FNDC3B: variants seen among roughly 807,000 people sequenced by gnomAD.
FNDC3B encodes fibronectin type III domain-containing protein 3B.
FNDC3B carries 12 observed loss-of-function variants against 151.5 expected under a neutral mutation model. The ratio of observed to expected loss-of-function variants is 0.08; its 90% CI spans 0.05 to 0.13. FNDC3B has a LOEUF of 0.13. FNDC3B is among the 10% of genes least tolerant of loss of function. The pLI is 1.00. For synonymous variants in FNDC3B, 528 were observed against 549.0 expected (o/e 0.96, Z 0.54); for missense variants, 1,214 against 1,505.3 (o/e 0.81, Z 3.20).
chr3:172,250,457 A>G (rs1040279573), intron 5 of FNDC3B, among the ~76,000 whole-genome samples: 1 of 152,208 alleles, frequency 6.6e-6, no homozygotes. Context: ...GCTCTTTTGT[A>G]TGCCACAGAA....
intron 5 of FNDC3B, 66 bp downstream of exon 5, chr3:172,247,842 C>A: frequency 6.4e-7 from 1 of 1,550,718 alleles, no homozygotes; most frequent in Non-Finnish European, 8.9e-7. Flanking sequence ...TAGTTCAAGG[C>A]GGTCCTTTGT....
At chr3:172,330,256 G>A (rs372388372) in intron 12 of FNDC3B, 34 of 272,544 alleles carry the variant, frequency 1.2e-4, no homozygotes, top group African/African-American at 5.3e-4. Flanking sequence ...ATGCCCACAC[G>A]TCACTTCATT....
chr3:172,129,927 T>C (rs1370214029), intron 2 of FNDC3B, among the ~76,000 whole-genome samples: 1 of 152,130 alleles, frequency 6.6e-6, no homozygotes, highest in Admixed American at 6.5e-5. Context: ...AGCGATGTTC[T>C]GTATCGCATT....
chr3:172,113,238 A>G (rs1023446309), intron 2 of FNDC3B, among the ~76,000 whole-genome samples: 4 of 152,272 alleles, frequency 2.6e-5, no homozygotes, highest in Non-Finnish European at 5.9e-5. Flanking sequence ...GGGCTTGCAC[A>G]GTTTTACAAC....
chr3:172,335,099 C>T lies in FNDC3B; in HGVS notation c.1780+17C>T, dbSNP rs1408517800. 2 of 1,514,238 alleles carry T rather than the reference C, an allele frequency of 1.3e-6. No homozygotes were observed. The highest frequency in any genetic ancestry group is 1.3e-5 in the South Asian group (1 of 76,754). 93.8% of individuals were successfully genotyped at this position (1,514,238 alleles called of 1,614,324 possible). ...TCAAATGGGGTATGTTTTGCTGCTG[C>T]TGCTACTGTTTTTTTTTTTTTTTTC... On this transcript the variant is annotated intron_variant, in intron 15 of 25. Coordinates refer to ENST00000415807, the MANE Select transcript of FNDC3B (RefSeq NM_022763.4).
chr3:172,213,690 AC>A (rs764382191), intron 3 of FNDC3B, among the ~76,000 whole-genome samples: 14 of 152,214 alleles, frequency 9.2e-5, no homozygotes, highest in Non-Finnish European at 1.5e-4. Flanking sequence ...CCCCATTCTT[AC>A]CTATCCTAAT....
intron 1 of FNDC3B, among the ~76,000 whole-genome samples, chr3:172,075,987 G>A (rs1048679147): frequency 1.3e-5 from 2 of 152,040 alleles, no homozygotes; most frequent in Non-Finnish European, 2.9e-5. Flanking sequence ...TGATAACCCT[G>A]TAAACTCAAC....
intron 6 of FNDC3B, among the ~76,000 whole-genome samples, chr3:172,267,001 A>G (rs1247573565): frequency 2.0e-5 from 3 of 152,266 alleles, no homozygotes; most frequent in Admixed American, 2.0e-4. Flanking sequence ...ACTACCTACT[A>G]TCCGCTATAT....
intron 11 of FNDC3B, among the ~76,000 whole-genome samples, chr3:172,316,051 A>G (rs1731773502): frequency 8.2e-6 from 1 of 121,236 alleles, no homozygotes; most frequent in Admixed American, 1.2e-4. Context: ...CTTGTTGCCC[A>G]GGCTGGAGTG....
intron 2 of FNDC3B, among the ~76,000 whole-genome samples, chr3:172,127,769 G>A (rs560779477): frequency 6.6e-6 from 1 of 152,162 alleles, no homozygotes; most frequent in East Asian, 1.9e-4. Flanking sequence ...GAGTTCAAGC[G>A]ATTCTCATGC....
At chr3:172,086,574 T>G (rs959472388) in intron 1 of FNDC3B, among the ~76,000 whole-genome samples, 8 of 152,230 alleles carry the variant, frequency 5.3e-5, no homozygotes, top group Non-Finnish European at 1.5e-5. Context: ...AAAATTGGCC[T>G]AAGTTCTTAT....
chr3:172,140,478 C>T (rs538735244), intron 3 of FNDC3B, among the ~76,000 whole-genome samples: 1 of 152,302 alleles, frequency 6.6e-6, no homozygotes, highest in South Asian at 2.1e-4. Context: ...AGCAATTCCT[C>T]TCAACATGGA....
At chr3:172,386,838 T>C (rs1023611359) in intron 25 of FNDC3B, among the ~76,000 whole-genome samples, 18 of 151,814 alleles carry the variant, frequency 1.2e-4, no homozygotes, top group Non-Finnish European at 1.5e-5. Context: ...TCTGTATCAA[T>C]ATATTTTTAT....
At chr3:172,043,622 G>A (rs73037188) in intron 1 of FNDC3B, among the ~76,000 whole-genome samples, 5,702 of 152,190 alleles carry the variant, frequency 0.037, 240 homozygotes, top group African/African-American at 0.097. Context: ...TACGATATCA[G>A]AAGTTACATT....
chr3:172,156,973 T>G (rs1231594974), intron 3 of FNDC3B, among the ~76,000 whole-genome samples: 1 of 152,176 alleles, frequency 6.6e-6, no homozygotes, highest in East Asian at 1.9e-4. Context: ...AACCTAATAT[T>G]GTCTACAAAA....
In FNDC3B at chr3:172,352,508, A is replaced by T. The variant is rs535393474; in HGVS notation, c.2515-295A>T. 3.3e-5 allele frequency among the ~76,000 whole-genome samples: 5 copies of T among 152,316 alleles called. No individual in the cohort carries two copies. In the South Asian group the frequency reaches 1.0e-3, roughly 32 times the overall value. ...GATCTACCACAGGGGGTTATTATGA[A>T]GATCGTGTAAGATGATGTATAAACT... is the stretch of plus-strand genomic sequence containing the variant. On this transcript the variant is annotated intron_variant, in intron 21 of 25. Coordinates refer to ENST00000415807, the MANE Select transcript of FNDC3B (RefSeq NM_022763.4). The surrounding 1 kb of genome is among the most constrained non-coding windows in gnomAD (Gnocchi z 4.2).
chr3:172,298,964 C>T (rs1442749774), intron 9 of FNDC3B, among the ~76,000 whole-genome samples, 177 bp downstream of exon 9: 1 of 152,182 alleles, frequency 6.6e-6, no homozygotes, highest in Non-Finnish European at 1.5e-5. Flanking sequence ...GACACAGAAG[C>T]GCTTCTGTGA....
chr3:172,082,396 T>A (rs1218093013), intron 1 of FNDC3B, among the ~76,000 whole-genome samples: 1 of 152,244 alleles, frequency 6.6e-6, no homozygotes, highest in Non-Finnish European at 1.5e-5. Context: ...TTTCTGCTTC[T>A]GGTGAAATGC....
chr3:172,121,136 G>T (rs1354825104), intron 2 of FNDC3B, among the ~76,000 whole-genome samples: 5 of 152,138 alleles, frequency 3.3e-5, no homozygotes, highest in Non-Finnish European at 7.4e-5. Flanking sequence ...GAACTCTGTG[G>T]TCATCCGGGT....
Sources: gnomAD v4.1 joint callset for allele counts (sites outside exome capture counted in the v4.1 genomes callset) on GRCh38, gnomAD v4.1.1 for gene constraint, Gnocchi (gnomAD v3.1) non-coding constraint, MANE v1.5 for transcripts, NCBI Gene and HGNC (gene_info 2026-07-23, HGNC 2026-07-21) for gene names.